Variants in TAFA1 observed in about 807,000 individuals in gnomAD.
TAFA1 encodes the protein chemokine-like protein TAFA-1.
TAFA1 carries 4 observed loss-of-function variants against 18.5 expected under a neutral mutation model. The ratio of observed to expected loss-of-function variants is 0.22; its 90% CI spans 0.11 to 0.49. TAFA1 has a LOEUF of 0.49. Among genes scored for constraint, TAFA1 ranks in the 20% least tolerant of loss-of-function variants. The probability of loss-of-function intolerance (pLI) is 0.98; values close to 1 mark genes in which losing one functional copy is unlikely to be tolerated. For synonymous variants in TAFA1, 56 were observed against 55.2 expected, an observed-to-expected ratio of 1.01 and a Z score of -0.06; for missense variants, 147 against 169.0, an observed-to-expected ratio of 0.87 and a Z score of 0.72.
At chr3:68,135,769 C>T (rs2065600000) in intron 2 of TAFA1, among the ~76,000 whole-genome samples, 1 of 152,148 alleles carries the variant, frequency 6.6e-6, no homozygotes, top group Admixed American at 6.5e-5. Flanking sequence ...ATGACAATAG[C>T]CATTTTTTCA....
intron 2 of TAFA1, among the ~76,000 whole-genome samples, chr3:68,185,186 T>G (rs552089656): frequency 6.6e-5 from 10 of 152,034 alleles, no homozygotes; most frequent in African/African-American, 1.9e-4. Flanking sequence ...CCTGAGGAAG[T>G]GACATTTAAA....
At chr3:68,518,294 A>AT (rs60145793) in intron 3 of TAFA1, among the ~76,000 whole-genome samples, 105,740 of 151,642 alleles carry the variant, frequency 0.7, 38,175 homozygotes, top group South Asian at 0.85. Context: ...AATGAATACA[A>AT]TTTTTTTTGG....
chr3:68,458,688 A>G (rs1200900736), intron 3 of TAFA1, among the ~76,000 whole-genome samples: 1 of 152,188 alleles, frequency 6.6e-6, no homozygotes, highest in African/African-American at 2.4e-5. Flanking sequence ...ACATTTCCAG[A>G]TGTCTTATGT....
chr3:68,111,230 T>G (rs529253319), intron 2 of TAFA1, among the ~76,000 whole-genome samples: 10 of 152,338 alleles, frequency 6.6e-5, no homozygotes, highest in South Asian at 2.1e-4. Flanking sequence ...AGGTGCAATC[T>G]ACTAGTAGCT....
intron 2 of TAFA1, among the ~76,000 whole-genome samples, chr3:68,306,637 G>A (rs755505846): frequency 2.6e-5 from 4 of 152,086 alleles, no homozygotes; most frequent in Non-Finnish European, 5.9e-5. Flanking sequence ...CTGGATCTCC[G>A]AGGAGCTAAA....
intron 2 of TAFA1, among the ~76,000 whole-genome samples, chr3:68,353,086 A>G (rs2069298644): frequency 6.6e-6 from 1 of 151,962 alleles, no homozygotes; most frequent in African/African-American, 2.4e-5. Context: ...TCTGTCCTTA[A>G]ATTGTGTTCA....
intron 2 of TAFA1, among the ~76,000 whole-genome samples, chr3:68,034,673 C>A (rs1481949415): frequency 1.3e-5 from 2 of 152,086 alleles, no homozygotes; most frequent in African/African-American, 4.8e-5. Flanking sequence ...CATGTCCTTG[C>A]TTGGTGAGGA....
At chr3:68,488,577 A>G (rs1280976214) in intron 3 of TAFA1, among the ~76,000 whole-genome samples, 1 of 152,204 alleles carries the variant, frequency 6.6e-6, no homozygotes, top group African/African-American at 2.4e-5. Context: ...GTTCAAGTCC[A>G]GGATCTGCTT....
chr3:68,106,594 G>T (rs1279247115), intron 2 of TAFA1, among the ~76,000 whole-genome samples: 2 of 152,002 alleles, frequency 1.3e-5, no homozygotes, highest in Non-Finnish European at 2.9e-5. Context: ...GGTAAATTAA[G>T]CTTTATGAAT....
chr3:68,433,913 G>A (rs1267357351), intron 3 of TAFA1, among the ~76,000 whole-genome samples: 2 of 152,104 alleles, frequency 1.3e-5, no homozygotes, highest in East Asian at 3.9e-4. Context: ...GAGAAATTAA[G>A]ACAGCACAGG....
chr3:68,142,848 C>T (rs1324982636), intron 2 of TAFA1, among the ~76,000 whole-genome samples: 2 of 152,076 alleles, frequency 1.3e-5, no homozygotes, highest in African/African-American at 4.8e-5. Context: ...GAAAGCAAAG[C>T]AACATTCACA....
chr3:68,262,166 A>G (rs2067438805), intron 2 of TAFA1, among the ~76,000 whole-genome samples: 3 of 150,648 alleles, frequency 2.0e-5, no homozygotes, highest in Admixed American at 2.0e-4. Flanking sequence ...GACTGTTTCC[A>G]TTTGCTAGAT....
chr3:68,348,810 ATCAG>A (rs2069212340), intron 2 of TAFA1, among the ~76,000 whole-genome samples: 1 of 152,124 alleles, frequency 6.6e-6, no homozygotes, highest in Admixed American at 6.6e-5. Context: ...AATTACTGCA[ATCAG>A]TCAAAGAGAT....
intron 2 of TAFA1, among the ~76,000 whole-genome samples, chr3:68,195,127 C>G (rs2066395282): frequency 6.6e-6 from 1 of 151,268 alleles, no homozygotes; most frequent in Non-Finnish European, 1.5e-5. Context: ...CTTAAATAGC[C>G]CAGAGCATTT....
intron 2 of TAFA1, among the ~76,000 whole-genome samples, chr3:68,223,352 T>C (rs2066755691): frequency 6.6e-6 from 1 of 152,334 alleles, no homozygotes; most frequent in South Asian, 2.1e-4. Flanking sequence ...TTTCAGATTC[T>C]ATGTTAAATA....
chr3:67,999,038 C>T, the TAFA1 span, among the ~76,000 whole-genome samples: 2 of 152,126 alleles, frequency 1.3e-5, no homozygotes, highest in Non-Finnish European at 2.9e-5. Context: ...TTTTATTTTC[C>T]TTGACCTGGC....
At chr3:68,239,631 T>C (rs749872615) in intron 2 of TAFA1, among the ~76,000 whole-genome samples, 5 of 152,192 alleles carry the variant, frequency 3.3e-5, no homozygotes, top group Non-Finnish European at 4.4e-5. Context: ...AAGTCACACA[T>C]AGATGATTTT....
At chr3:68,069,764 A>G (rs2064728028) in intron 2 of TAFA1, among the ~76,000 whole-genome samples, 1 of 152,228 alleles carries the variant, frequency 6.6e-6, no homozygotes, top group African/African-American at 2.4e-5. Context: ...AATGGTAGTA[A>G]TTGGCCAAAA....
intron 2 of TAFA1, among the ~76,000 whole-genome samples, chr3:68,413,751 G>C (rs1327778139): frequency 1.3e-5 from 2 of 152,060 alleles, no homozygotes; most frequent in Admixed American, 6.6e-5. Context: ...TTGGGGGCAG[G>C]GGGGTGAGGG....
Sources: allele counts gnomAD v4.1 joint callset (sites outside exome capture counted in the v4.1 genomes callset), GRCh38; gene constraint gnomAD v4.1.1; transcripts MANE v1.5; gene names NCBI Gene and HGNC (gene_info 2026-07-23, HGNC 2026-07-21).